Variants in NBEA observed in about 807,000 individuals in gnomAD.
NBEA encodes neurobeachin, also known as lysosomal-trafficking regulator 2.
In NBEA, 44 loss-of-function variants were observed where a neutral mutation model predicts 343.4. The ratio of observed to expected loss-of-function variants is 0.13; its 90% CI spans 0.10 to 0.16. NBEA has a LOEUF of 0.16. NBEA is among the 10% of genes least tolerant of loss of function. The pLI is 1.00. For missense variants in NBEA, 2,555 were observed against 3,631.3 expected (o/e 0.70, Z 7.62); for synonymous variants, 1,175 against 1,238.7 (o/e 0.95, Z 1.08).
chr13:35,105,106 T>A (rs1331554243), intron 11 of NBEA, among the ~76,000 whole-genome samples: 1 of 151,988 alleles, frequency 6.6e-6, no homozygotes, highest in Admixed American at 6.6e-5. Flanking sequence ...GAGAAAGTTA[T>A]TGTAGCTATT....
intron 34 of NBEA, among the ~76,000 whole-genome samples, chr13:35,282,026 C>T (rs1054988753): frequency 6.6e-6 from 1 of 151,960 alleles, no homozygotes; most frequent in African/African-American, 2.4e-5. Flanking sequence ...CATTCTCCTG[C>T]CTCAGTCTCC....
chr13:35,279,850 G>C (rs2034920949), intron 34 of NBEA, among the ~76,000 whole-genome samples: 2 of 152,022 alleles, frequency 1.3e-5, no homozygotes, highest in Admixed American at 1.3e-4. Context: ...AAGCCACCAA[G>C]AACTAACTTG....
chr13:35,282,840 A>T (rs953268686), intron 34 of NBEA, among the ~76,000 whole-genome samples: 4 of 152,200 alleles, frequency 2.6e-5, no homozygotes, highest in Non-Finnish European at 4.4e-5. Context: ...TATCTCTGTA[A>T]CTGGTCTGTT....
chr13:35,204,933 G>A (rs1045784309), intron 31 of NBEA, among the ~76,000 whole-genome samples: 1 of 151,726 alleles, frequency 6.6e-6, no homozygotes, highest in African/African-American at 2.4e-5. Flanking sequence ...AGTGTGAAAC[G>A]TTGTGTAACA....
At chr13:35,008,858 T>C (rs1220759893) in intron 1 of NBEA, among the ~76,000 whole-genome samples, 3 of 152,216 alleles carry the variant, frequency 2.0e-5, no homozygotes, top group African/African-American at 7.2e-5. Context: ...TTCTTGGAAG[T>C]CTGTGAACCC....
At chr13:35,025,901 T>A (rs923434773) in intron 1 of NBEA, among the ~76,000 whole-genome samples, 7 of 152,202 alleles carry the variant, frequency 4.6e-5, no homozygotes, top group African/African-American at 1.7e-4. Context: ...CTGAGTTGTT[T>A]GGAAAAAATT....
chr13:35,554,551 GTGTGT>G (rs2079495060), intron 43 of NBEA, among the ~76,000 whole-genome samples: 1 of 152,214 alleles, frequency 6.6e-6, no homozygotes, highest in South Asian at 2.1e-4. Flanking sequence ...TACACACTCT[GTGTGT>G]GTGAAGGCAA....
Position 34,942,755 on chromosome 13 carries a change from G to T in NBEA, c.-66G>T. On this transcript the variant is annotated 5_prime_UTR_variant, in exon 1 of 59. The change creates a new upstream start codon in the 5' untranslated region. Transcript: ENST00000379939. ...GCGACGGCCGGGGGGCGGGGGCCGA[G>T]GCAGGTATAACGGTACCGGCGGCGG... 8.2e-7 allele frequency: 1 copy of T among 1,223,492 alleles called. No homozygotes were observed. Among genetic ancestry groups the T allele is most frequent in the South Asian group, 3.3e-5 (1 of 30,464 alleles). The allele number at this position is 1,223,492 out of a possible 1,614,324, so 75.8% of individuals were successfully genotyped here. A position where few individuals can be genotyped will look rare whatever the true frequency, so the allele number is the denominator to read the frequency against.
intron 1 of NBEA, among the ~76,000 whole-genome samples, chr13:34,990,903 C>T (rs759984040): frequency 1.3e-5 from 2 of 152,248 alleles, no homozygotes; most frequent in African/African-American, 2.4e-5. Flanking sequence ...TTAGAAATTT[C>T]TTCTGCCAGA....
At chr13:35,337,168 G>A (rs1188944354) in intron 36 of NBEA, among the ~76,000 whole-genome samples, 2 of 152,074 alleles carry the variant, frequency 1.3e-5, no homozygotes, top group East Asian at 3.9e-4. Context: ...CGATAAATCA[G>A]TAATTGCACT....
At chr13:35,475,853 C>T (rs1230084583) in intron 41 of NBEA, 4 of 1,613,938 alleles carry the variant, frequency 2.5e-6, no homozygotes, top group African/African-American at 1.3e-5. Flanking sequence ...ACCGCGCAGC[C>T]GGGCAGTGAG....
intron 48 of NBEA, among the ~76,000 whole-genome samples, chr13:35,627,489 T>C (rs1011144407): frequency 3.3e-5 from 5 of 152,058 alleles, no homozygotes; most frequent in African/African-American, 1.2e-4. Context: ...GGGCCTTGAC[T>C]CTCAGTAATT....
chr13:35,588,450 C>T (rs1307043729), intron 46 of NBEA, among the ~76,000 whole-genome samples: 1 of 152,050 alleles, frequency 6.6e-6, no homozygotes, highest in Non-Finnish European at 1.5e-5. Context: ...TTACCTTAGA[C>T]CTTTTAGACC....
At chr13:35,429,566 AG>A (rs1224416983) in intron 38 of NBEA, among the ~76,000 whole-genome samples, 1 of 152,124 alleles carries the variant, frequency 6.6e-6, no homozygotes, top group Non-Finnish European at 1.5e-5. Context: ...GTTGTTCCTT[AG>A]GTCCTGGGGT....
intron 41 of NBEA, among the ~76,000 whole-genome samples, chr13:35,539,686 G>A (rs2078719999): frequency 6.6e-6 from 1 of 151,684 alleles, no homozygotes; most frequent in African/African-American, 2.4e-5. Context: ...GGAGGCTGAG[G>A]CGGGCGGATC....
At chr13:35,070,210 T>G (rs2063812617) in intron 9 of NBEA, 105 bp downstream of exon 9, 1 of 1,176,336 alleles carries the variant, frequency 8.5e-7, no homozygotes, top group East Asian at 2.8e-5. Context: ...TTTTTTTGCT[T>G]CTTTTTTGGC....
At chr13:35,225,767 T>C (rs1380813163) in intron 33 of NBEA, among the ~76,000 whole-genome samples, 1 of 152,124 alleles carries the variant, frequency 6.6e-6, no homozygotes, top group Non-Finnish European at 1.5e-5. Flanking sequence ...AGCAAGTTCA[T>C]GCATCCTAAG....
chr13:35,128,550 G>A (rs2067249940), intron 17 of NBEA, among the ~76,000 whole-genome samples: 1 of 152,100 alleles, frequency 6.6e-6, no homozygotes. Flanking sequence ...AGGGGCTCAT[G>A]GTGCAGGACT....
intron 18 of NBEA, among the ~76,000 whole-genome samples, chr13:35,152,727 C>T (rs544825788): frequency 4.5e-4 from 68 of 152,208 alleles, no homozygotes; most frequent in Non-Finnish European, 6.9e-4. Flanking sequence ...CCCTCCCTGT[C>T]GATTACCTGT....
Sources: gnomAD v4.1 joint callset for allele counts (sites outside exome capture counted in the v4.1 genomes callset) on GRCh38, gnomAD v4.1.1 for gene constraint, MANE v1.5 for transcripts, NCBI Gene and HGNC (gene_info 2026-07-23, HGNC 2026-07-21) for gene names.